AK9: variants seen among roughly 807,000 people sequenced by gnomAD.
The protein encoded by AK9 is adenylate kinase 9, also known as adenylate kinase domain containing 1.
In AK9, 191 loss-of-function variants were observed where a neutral mutation model predicts 239.6. The ratio of observed to expected loss-of-function variants is 0.80; its 90% CI spans 0.71 to 0.90. The LOEUF (loss-of-function observed/expected upper bound fraction) is 0.90. Ranked by LOEUF, AK9 falls within the 40% of genes least tolerant of loss-of-function variation. The probability of loss-of-function intolerance (pLI) is 0.00; values close to 1 mark genes in which losing one functional copy is unlikely to be tolerated. For synonymous variants in AK9, 689 were observed against 721.0 expected (o/e 0.96, Z 0.71); for missense variants, 1,995 against 2,214.7 (o/e 0.90, Z 1.99).
chr6:109,573,740 T>C (rs927013605), intron 20 of AK9, 146 bp from the exon 21 acceptor site: 14 of 744,540 alleles, frequency 1.9e-5, no homozygotes, highest in Admixed American at 3.1e-5. Flanking sequence ...GATAGAAAAA[T>C]TATCTATTTA....
At chr6:109,499,357 AAAC>A (rs1777375012) in intron 35 of AK9, 117 bp from the exon 36 acceptor site, 1 of 788,086 alleles carries the variant, frequency 1.3e-6, no homozygotes. Context: ...ATAAAATTCC[AAAC>A]AATAGAGTAA....
intron 1 of AK9, among the ~76,000 whole-genome samples, chr6:109,685,730 TAAAAAA>T (rs988579640): frequency 6.6e-5 from 10 of 151,600 alleles, no homozygotes; most frequent in Non-Finnish European, 1.3e-4. Flanking sequence ...AATATAATAA[TAAAAAA>T]AGAAAAAGAA....
chr6:109,559,574 A>G (rs1488400845), intron 24 of AK9, among the ~76,000 whole-genome samples: 1 of 152,142 alleles, frequency 6.6e-6, no homozygotes. Context: ...TTATCCCTTC[A>G]TATTACATAT....
At chr6:109,674,442 C>T (rs1268499858) in intron 2 of AK9, among the ~76,000 whole-genome samples, 181 bp from the exon 3 acceptor site, 1 of 152,108 alleles carries the variant, frequency 6.6e-6, no homozygotes, top group Admixed American at 6.6e-5. Flanking sequence ...CTAATTTTTG[C>T]ATATGTCACA....
intron 29 of AK9, among the ~76,000 whole-genome samples, chr6:109,523,940 C>T (rs927583550): frequency 2.6e-5 from 4 of 152,090 alleles, no homozygotes; most frequent in African/African-American, 9.7e-5. Context: ...CCAGAATCCC[C>T]ACAATATAAC....
At chr6:109,651,802 A>G (rs1050665144) in intron 8 of AK9, among the ~76,000 whole-genome samples, 10 of 152,226 alleles carry the variant, frequency 6.6e-5, no homozygotes, top group African/African-American at 1.9e-4. Context: ...TAGAAAATTT[A>G]GAAGAAATGG....
chr6:109,561,294 T>C (rs979463136), intron 24 of AK9, among the ~76,000 whole-genome samples: 7 of 151,524 alleles, frequency 4.6e-5, no homozygotes, highest in African/African-American at 1.7e-4. Context: ...CTTAGAATCC[T>C]AGGTTGACAG....
Position 109,500,497 on chromosome 6 carries a change from G to A in AK9, c.4850-1257C>T, listed in dbSNP as rs73520972. Among the ~76,000 whole-genome samples, 1,010 of 152,274 alleles carry A rather than the reference G, an allele frequency of 6.6e-3. 17 individuals carry two copies. Among genetic ancestry groups the A allele is most frequent in the African/African-American group, 0.023 (962 of 41,550 alleles). Reference sequence around the variant, plus strand: ...GGACTTATTATAGCCAGTACGTTTTGTTAGTTGTCGTTTTACCAAGGCAAA... The same window carrying A: ...GGACTTATTATAGCCAGTACGTTTTATTAGTTGTCGTTTTACCAAGGCAAA... On this transcript the variant is annotated intron_variant, in intron 35 of 40. Transcript: ENST00000424296.
At chr6:109,554,724 G>A (rs1280325758) in intron 24 of AK9, among the ~76,000 whole-genome samples, 1 of 151,800 alleles carries the variant, frequency 6.6e-6, no homozygotes, top group African/African-American at 2.4e-5. Flanking sequence ...TACAGACAGG[G>A]TTTCGCTATG....
rs147039816 is a variant in AK9, at chr6:109,645,675, G to A, written c.760-987C>T. ...AGCAGAAACTTGTGCAGACTTAAAC[G>A]TCCCTGTCTGACAGCTTTGAAGACA... On this transcript the variant is annotated intron_variant, in intron 8 of 40. Coordinates refer to ENST00000424296, the MANE Select transcript of AK9 (RefSeq NM_001145128.3). Among the ~76,000 whole-genome samples the A allele has an allele frequency of 1.2e-3, 185 of 152,316 alleles. 1 individual carries two copies. The highest frequency in any genetic ancestry group is 4.1e-3 in the African/African-American group (170 of 41,562).
chr6:109,583,452 C>T (rs919403044), intron 19 of AK9, among the ~76,000 whole-genome samples: 32 of 152,222 alleles, frequency 2.1e-4, no homozygotes, highest in Non-Finnish European at 4.4e-4. Flanking sequence ...TGTTAAGTTT[C>T]TCTCTTTTCT....
At chr6:109,644,514 C>G (rs748184466) in intron 9 of AK9, 100 bp downstream of exon 9, 6 of 1,027,234 alleles carry the variant, frequency 5.8e-6, no homozygotes, top group South Asian at 1.9e-5. Context: ...AAATGGTGTT[C>G]AAATATAAAT....
intron 29 of AK9, 42 bp downstream of exon 29, chr6:109,528,969 A>G: frequency 6.3e-7 from 1 of 1,579,826 alleles, no homozygotes; most frequent in Non-Finnish European, 8.6e-7. Context: ...CCTGGGCAAC[A>G]GAGTGAGACC....
At chr6:109,682,053 T>A (rs558348831) in intron 1 of AK9, among the ~76,000 whole-genome samples, 1 of 151,850 alleles carries the variant, frequency 6.6e-6, no homozygotes, top group South Asian at 2.1e-4. Flanking sequence ...GTAAACAAAT[T>A]AAAAATCTAC....
At chr6:109,607,228 G>C (rs1356343272) in intron 17 of AK9, among the ~76,000 whole-genome samples, 2 of 152,132 alleles carry the variant, frequency 1.3e-5, no homozygotes, top group African/African-American at 4.8e-5. Context: ...CCTAATGAGA[G>C]ACGTTGAAGA....
intron 6 of AK9, 23 bp from the exon 7 acceptor site, chr6:109,659,436 C>G: frequency 6.3e-7 from 1 of 1,575,358 alleles, no homozygotes; most frequent in Non-Finnish European, 8.6e-7. Flanking sequence ...ATTATTAAAT[C>G]ACTTAAAACA....
chr6:109,638,259 C>T (rs1028599612), intron 10 of AK9, among the ~76,000 whole-genome samples: 1 of 151,916 alleles, frequency 6.6e-6, no homozygotes, highest in Non-Finnish European at 1.5e-5. Context: ...GAACAGGAGG[C>T]CTCAGTACTC....
intron 8 of AK9, among the ~76,000 whole-genome samples, chr6:109,648,187 A>G (rs1233625614): frequency 6.6e-6 from 1 of 152,338 alleles, no homozygotes; most frequent in African/African-American, 2.4e-5. Flanking sequence ...GAACTAGAAA[A>G]GCAAGAGCAA....
At chr6:109,638,636 C>T (rs1324114591) in intron 10 of AK9, among the ~76,000 whole-genome samples, 5 of 152,000 alleles carry the variant, frequency 3.3e-5, no homozygotes, top group Non-Finnish European at 5.9e-5. Context: ...TGTGCTATCA[C>T]GTCTGGTTAA....
Sources: allele counts gnomAD v4.1 joint callset (sites outside exome capture counted in the v4.1 genomes callset), GRCh38; gene constraint gnomAD v4.1.1; transcripts MANE v1.5; gene names NCBI Gene and HGNC (gene_info 2026-07-23, HGNC 2026-07-21).